Variants in NME7 observed in about 807,000 individuals in gnomAD.
NME7 encodes nucleoside diphosphate kinase 7.
A neutral mutation model predicts 49.1 loss-of-function variants in NME7; 41 were observed. That is an observed-to-expected ratio of 0.83 (90% CI 0.65 to 1.08). The LOEUF (loss-of-function observed/expected upper bound fraction) is 1.08. Ranked by LOEUF, NME7 falls within the 50% of genes least tolerant of loss-of-function variation. The probability of loss-of-function intolerance (pLI) is 0.00; values close to 1 mark genes in which losing one functional copy is unlikely to be tolerated. For synonymous variants in NME7, 139 were observed against 150.6 expected (o/e 0.92, Z 0.56); for missense variants, 423 against 463.4 (o/e 0.91, Z 0.80).
At chr1:169,363,542 G>A (rs16862101) in intron 1 of NME7, among the ~76,000 whole-genome samples, 3,856 of 152,208 alleles carry the variant, frequency 0.025, 135 homozygotes, top group African/African-American at 0.086. Flanking sequence ...GTACGTATAC[G>A]TGTGGTCTGG....
intron 7 of NME7, among the ~76,000 whole-genome samples, chr1:169,282,223 A>G (rs1289593155): frequency 6.6e-6 from 1 of 152,086 alleles, no homozygotes; most frequent in Non-Finnish European, 1.5e-5. Context: ...TAGATTTTCT[A>G]GTTTATTTGC....
In NME7 at chr1:169,191,030, T is replaced by C. The variant is rs1396258917; in HGVS notation, c.991-21476A>G. 7.3e-5 allele frequency among the ~76,000 whole-genome samples: 5 copies of C among 68,244 alleles called. 1 individual carries two copies. The highest frequency in any genetic ancestry group is 1.4e-4 in the Non-Finnish European group (4 of 28,104). The allele number at this position is 68,244 out of a possible 152,430, so 44.8% of individuals were successfully genotyped here. A position where few individuals can be genotyped will look rare whatever the true frequency, so the allele number is the denominator to read the frequency against. On this transcript the variant is annotated intron_variant, in intron 10 of 11. Coordinates refer to ENST00000367811, the MANE Select transcript of NME7 (RefSeq NM_013330.5). Reference sequence around the variant, plus strand: ...GGTTTCACCGTTTTAGCCGGGATGGTCTCGATCTCCTGACCTCGTGATCCA... The same window carrying C: ...GGTTTCACCGTTTTAGCCGGGATGGCCTCGATCTCCTGACCTCGTGATCCA...
Position 169,245,563 on chromosome 1 carries a change from C to T in NME7, c.755-7876G>A, listed in dbSNP as rs3766079. On this transcript the variant is annotated intron_variant, in intron 7 of 11. Transcript: ENST00000367811. Reference sequence around the variant, plus strand: ...AAGAAACTGAAAGAAAAGTTTTAATCGTGATGTAGCCAAGAGTACACGAAC... The same window carrying T: ...AAGAAACTGAAAGAAAAGTTTTAATTGTGATGTAGCCAAGAGTACACGAAC... 1.0e-3 allele frequency among the ~76,000 whole-genome samples: 154 copies of T among 152,206 alleles called. 3 individuals carry two copies. The East Asian group carries it at 0.026, about 26-fold the overall frequency.
At chr1:169,302,194 T>C (rs752666376) in intron 5 of NME7, 1 of 152,158 alleles carries the variant, frequency 6.6e-6, no homozygotes, top group Non-Finnish European at 1.5e-5. Context: ...GAAAATAGTT[T>C]GGAGTTTTTT....
At chr1:169,328,952 G>A (rs770441387) in intron 1 of NME7, among the ~76,000 whole-genome samples, 5 of 152,126 alleles carry the variant, frequency 3.3e-5, no homozygotes, top group Non-Finnish European at 7.4e-5. Context: ...GCAGACTACA[G>A]TAAATACCTA....
chr1:169,322,273 T>C (rs924775414), intron 3 of NME7: 2 of 152,150 alleles, frequency 1.3e-5, no homozygotes. Flanking sequence ...AAAAGAATGA[T>C]GAATGCAGCT....
At chr1:169,336,203 G>A (rs887127398) in intron 1 of NME7, among the ~76,000 whole-genome samples, 3 of 151,872 alleles carry the variant, frequency 2.0e-5, no homozygotes, top group Non-Finnish European at 2.9e-5. Context: ...GGTCTCGCTG[G>A]GCTCAGGAGT....
chr1:169,137,822 T>A (rs1316228594), intron 11 of NME7, among the ~76,000 whole-genome samples: 1 of 152,200 alleles, frequency 6.6e-6, no homozygotes, highest in Non-Finnish European at 1.5e-5. Context: ...CAAACCTTGA[T>A]AGAAAGGAGA....
At chr1:169,241,194 A>G (rs1238992059) in intron 7 of NME7, among the ~76,000 whole-genome samples, 1 of 152,112 alleles carries the variant, frequency 6.6e-6, no homozygotes. Flanking sequence ...TCAAAAAGTA[A>G]TAAAATTATT....
At chr1:169,220,782 T>C (rs1661120473) in intron 10 of NME7, among the ~76,000 whole-genome samples, 1 of 152,252 alleles carries the variant, frequency 6.6e-6, no homozygotes, top group Non-Finnish European at 1.5e-5. Context: ...TTACATTTGC[T>C]AAAGTTAACA....
chr1:169,164,407 T>C (rs553465284), intron 11 of NME7, among the ~76,000 whole-genome samples: 1 of 152,304 alleles, frequency 6.6e-6, no homozygotes, highest in South Asian at 2.1e-4. Context: ...CACTGTGCTG[T>C]AATAGTAATA....
chr1:169,230,622 C>T (rs2101818910), intron 10 of NME7, 96 bp downstream of exon 10: 1 of 553,166 alleles, frequency 1.8e-6, no homozygotes, highest in Non-Finnish European at 3.0e-6. Flanking sequence ...TTCATTTTTA[C>T]ATTATTTACT....
At chr1:169,325,838 G>A (rs1159752028) in intron 1 of NME7, among the ~76,000 whole-genome samples, 1 of 151,996 alleles carries the variant, frequency 6.6e-6, no homozygotes, top group Non-Finnish European at 1.5e-5. Context: ...TTTAAACCAT[G>A]CTGATTACTC....
intron 10 of NME7, among the ~76,000 whole-genome samples, chr1:169,193,634 C>G (rs1055649327): frequency 1.3e-5 from 2 of 152,172 alleles, no homozygotes; most frequent in African/African-American, 4.8e-5. Flanking sequence ...AGAGATAAGG[C>G]CTGGCACATG....
intron 11 of NME7, among the ~76,000 whole-genome samples, chr1:169,137,298 A>G (rs1377427560): frequency 6.6e-6 from 1 of 152,250 alleles, no homozygotes; most frequent in Non-Finnish European, 1.5e-5. Context: ...TGAATTTTGA[A>G]AAAAAGGCCT....
At chr1:169,206,651 T>C (rs903289415) in intron 10 of NME7, among the ~76,000 whole-genome samples, 2 of 152,278 alleles carry the variant, frequency 1.3e-5, no homozygotes, top group East Asian at 3.9e-4. Flanking sequence ...ATAAAATACA[T>C]AGAATTGCAG....
chr1:169,279,968 G>T (rs747286349), intron 7 of NME7, among the ~76,000 whole-genome samples: 11 of 152,176 alleles, frequency 7.2e-5, no homozygotes, highest in Non-Finnish European at 1.0e-4. Flanking sequence ...AACCCTTTGG[G>T]TATATGCCTA....
chr1:169,209,827 T>C (rs1255720565), intron 10 of NME7, among the ~76,000 whole-genome samples: 3 of 152,096 alleles, frequency 2.0e-5, no homozygotes, highest in Non-Finnish European at 2.9e-5. Flanking sequence ...CTTCCTTGAA[T>C]TCCTAGAATA....
intron 7 of NME7, among the ~76,000 whole-genome samples, chr1:169,259,522 A>T (rs1412202253): frequency 1.5e-5 from 2 of 134,022 alleles, no homozygotes; most frequent in African/African-American, 5.0e-5. Context: ...TCTGGATGGT[A>T]GGAGTAAGTG....
Sources: allele counts gnomAD v4.1 joint callset (sites outside exome capture counted in the v4.1 genomes callset), GRCh38; gene constraint gnomAD v4.1.1; transcripts MANE v1.5; gene names NCBI Gene and HGNC (gene_info 2026-07-23, HGNC 2026-07-21).